Variants in ASTE1 observed in about 807,000 individuals in gnomAD.
The protein encoded by ASTE1 is asteroid structure-specific endonuclease 1, also known as single-strand DNA endonuclease ASTE1.
ASTE1 carries 49 observed loss-of-function variants against 45.8 expected under a neutral mutation model. That is an observed-to-expected ratio of 1.07 (90% CI 0.85 to 1.36). The LOEUF (loss-of-function observed/expected upper bound fraction) is 1.36. ASTE1 is among the 40% of genes most tolerant of loss of function. ASTE1 has a pLI of 0.00. For synonymous variants in ASTE1, 296 were observed against 303.9 expected, an observed-to-expected ratio of 0.97 and a Z score of 0.27; for missense variants, 709 against 804.0, an observed-to-expected ratio of 0.88 and a Z score of 1.43.
chr3:131,018,283 G>A (rs1170464013), intron 4 of ASTE1, among the ~76,000 whole-genome samples: 4 of 152,200 alleles, frequency 2.6e-5, no homozygotes, highest in Admixed American at 6.5e-5. Context: ...ACATCTCACT[G>A]CTGTATACTT....
chr3:131,015,304 C>T (rs1488903715), intron 5 of ASTE1: 1 of 680,920 alleles, frequency 1.5e-6, no homozygotes, highest in South Asian at 1.6e-5. Flanking sequence ...ACAGAGTTTA[C>T]ATCTGAGTGG....
intron 3 of ASTE1, among the ~76,000 whole-genome samples, chr3:131,022,308 A>T (rs990885600): frequency 2.0e-5 from 3 of 152,124 alleles, no homozygotes; most frequent in Non-Finnish European, 4.4e-5. Flanking sequence ...TTCATATGTC[A>T]TAAAAGTCAT....
rs201982361 is a variant in ASTE1, at chr3:131,024,463, T to C, written c.844A>G (p.Lys282Glu). 3.7e-6 allele frequency: 6 copies of C among 1,614,200 alleles called. No homozygotes were observed. The highest frequency in any genetic ancestry group is 1.7e-6 in the Non-Finnish European group (2 of 1,180,020). ...TCCTTAACATTTTCTCGATCCTTTT[T>C]TGGGAGGTATTTCAGAACATTATCT... ...ALDNVLKYLP[K>E]KDRENVKELL... Residue 282 changes from lysine (K) to glutamate (E), a missense_variant, in exon 3 of 6, where the codon AAA (lysine) becomes GAA (glutamate). Coordinates refer to ENST00000264992, the MANE Select transcript of ASTE1 (RefSeq NM_014065.4).
Position 131,025,051 on chromosome 3 carries a change from C to G in ASTE1, c.256G>C (p.Asp86His). 1.9e-6 allele frequency: 3 copies of G among 1,605,680 alleles called. No individual in the cohort carries two copies. Among genetic ancestry groups the G allele is most frequent in the Non-Finnish European group, 2.6e-6 (3 of 1,175,516 alleles). The part of the protein sequence containing the change: ...VVLDGGCDIS[D>H]KKLTTLKDRA... Reference sequence around the variant, plus strand: ...TCCTTTAAAGTTGTAAGCTTTTTATCTGAAATGTCACATCCTCCATCTAAT... The same window carrying G: ...TCCTTTAAAGTTGTAAGCTTTTTATGTGAAATGTCACATCCTCCATCTAAT... The change falls in exon 3 of 6, where the codon GAT (aspartate) becomes CAT (histidine). Residue 86 changes from aspartate to histidine, a missense_variant. By Grantham distance (81) the Asp-to-His change is moderately conservative (BLOSUM62 -1). Transcript: ENST00000264992.
At chr3:131,017,017 A>G in intron 4 of ASTE1, 1 of 1,289,438 alleles carries the variant, frequency 7.8e-7, no homozygotes, top group Non-Finnish European at 1.0e-6. Flanking sequence ...GGAGCAAGAC[A>G]CTGAGCCTGC....
rs1476712120 is a variant in ASTE1 at position 131,024,206 on chromosome 3, T to G, written c.1101A>C (p.Arg367Ser). 6 of 1,614,214 alleles carry G rather than the reference T, an allele frequency of 3.7e-6. No homozygotes were observed. The South Asian group carries it at 6.6e-5, about 18-fold the overall frequency. The change falls in exon 3 of 6, where the codon AGA (arginine) becomes AGC (serine). Residue 367 changes from arginine (R) to serine (S), a missense_variant. Coordinates refer to ENST00000264992, the MANE Select transcript of ASTE1 (RefSeq NM_014065.4). ...VENMQQPNAHRISQPIRQIIY... is the reference protein window; with the variant it reads ...VENMQQPNAHSISQPIRQIIY... ...TGATTTGCCTGATGGGCTGAGATAT[T>G]CTGTGGGCATTTGGTTGCTGCATGT...
chr3:131,022,491 T>C (rs2063756044), intron 3 of ASTE1, among the ~76,000 whole-genome samples: 1 of 151,858 alleles, frequency 6.6e-6, no homozygotes, highest in Non-Finnish European at 1.5e-5. Flanking sequence ...CAAAAAATTT[T>C]TTTTTTTTTT....
In ASTE1 at chr3:131,014,393, C is replaced by G; in HGVS notation, c.1710-6G>C. 6.4e-7 allele frequency: 1 copy of G among 1,553,294 alleles called. No individual in the cohort carries two copies. Among genetic ancestry groups the G allele is most frequent in the Non-Finnish European group, 8.7e-7 (1 of 1,154,828 alleles). On this transcript the variant is annotated splice_region_variant and splice_polypyrimidine_tract_variant and intron_variant, in intron 5 of 5. Transcript: ENST00000264992. ...CCAGGCTTCCACTGTACAGTCTGTTCAAAGCAAGAAAAAAGTATGTTGTTA... is the reference window on the plus strand; with the variant it reads ...CCAGGCTTCCACTGTACAGTCTGTTGAAAGCAAGAAAAAAGTATGTTGTTA...
intron 3 of ASTE1, among the ~76,000 whole-genome samples, chr3:131,021,063 T>G (rs1260146753): frequency 6.6e-6 from 1 of 152,192 alleles, no homozygotes; most frequent in Non-Finnish European, 1.5e-5. Flanking sequence ...GTAGGCAGTT[T>G]CCTAAGCAGT....
At chr3:131,016,487 G>A in intron 4 of ASTE1, 148 bp from the exon 5 acceptor site, 1 of 876,810 alleles carries the variant, frequency 1.1e-6, no homozygotes, top group East Asian at 2.7e-5. Flanking sequence ...TAAATGCCTT[G>A]CTGTATAAAT....
chr3:131,016,154 C>G lies in ASTE1; in HGVS notation c.1699G>C (p.Asp567His). 6.2e-7 allele frequency: 1 copy of G among 1,613,660 alleles called. No homozygotes were observed. Among genetic ancestry groups the G allele is most frequent in the African/African-American group, 1.3e-5 (1 of 74,878 alleles). The change falls in exon 5 of 6, where the codon GAC (aspartate) becomes CAC (histidine). Residue 567 changes from aspartate to histidine, a missense_variant. Physicochemically the swap from Asp to His is moderately conservative, Grantham distance 81 (BLOSUM62 -1). Transcript: ENST00000264992. The part of the protein sequence containing the change: ...QLLSTPLPEP[D>H]LTRLYSGSLV... ...TCCCATGGTGCTTACCGAGTTAGGT[C>G]TGGCTCTGGGAGAGGAGTGGACAGC...
intron 4 of ASTE1, 76 bp from the exon 5 acceptor site, chr3:131,016,415 C>T: frequency 1.4e-6 from 2 of 1,467,214 alleles, no homozygotes; most frequent in Non-Finnish European, 1.9e-6. Flanking sequence ...ACATATACTA[C>T]AAATTCTATA....
Position 131,014,261 on chromosome 3 carries a change from C to T in ASTE1, c.1836G>A (p.Arg612=). 1 of 1,613,806 alleles carries T rather than the reference C, an allele frequency of 6.2e-7. No individual in the cohort carries two copies. The highest frequency in any genetic ancestry group is 1.1e-5 in the South Asian group (1 of 91,066). Residue 612 remains arginine (R), a synonymous_variant, in exon 6 of 6, where the codon AGG becomes AGA. Coordinates refer to ENST00000264992, the MANE Select transcript of ASTE1 (RefSeq NM_014065.4). The part of the protein sequence containing the change: ...QLYEYLFNAT[R]SYAPAEIFLP... ...GGAATATTTCAGCGGGGGCATATGA[C>T]CTTGTGGCATTGAATAGATATTCAT...
chr3:131,014,934 C>CTTTTTACAT (rs1254895363), intron 5 of ASTE1, among the ~76,000 whole-genome samples: 4 of 152,194 alleles, frequency 2.6e-5, no homozygotes, highest in Non-Finnish European at 4.4e-5. Flanking sequence ...CTTGGTTATG[C>CTTTTTACAT]TAAGATTCAA....
intron 3 of ASTE1, among the ~76,000 whole-genome samples, chr3:131,019,356 G>C (rs561053855): frequency 6.6e-6 from 1 of 152,220 alleles, no homozygotes; most frequent in African/African-American, 2.4e-5. Context: ...TTGTAGATTA[G>C]AGGTATATTC....
chr3:131,024,943 C>A lies in ASTE1; in HGVS notation c.364G>T (p.Val122Leu), dbSNP rs780462269. 4 of 1,613,120 alleles carry A rather than the reference C, an allele frequency of 2.5e-6. No individual in the cohort carries two copies. In the Admixed American group the frequency reaches 6.7e-5, roughly 27 times the overall value. The change falls in exon 3 of 6, where the codon GTA becomes TTA. Residue 122 changes from valine to leucine, a missense_variant. Val to Leu is a conservative substitution (Grantham distance 32). Transcript: ENST00000264992. Reference protein sequence around the residue: ...GYVCPLLIREVFIQVLIKLRV... With the variant: ...GYVCPLLIRELFIQVLIKLRV... ...AGCTTGATCAAAACCTGTATGAATA[C>A]TTCCCGGATGAGTAAGGGACATACG...
At position 131,018,736 on chromosome 3, in the gene ASTE1, A is replaced by G; in HGVS notation, c.1303-20T>C. On this transcript the variant is annotated intron_variant, in intron 3 of 5. Transcript: ENST00000264992. The stretch of plus-strand genomic sequence containing the variant: ...GGAGAGCTGAAAATACACACCAAGT[A>G]TCCTGCAAGTTACTTTGGGAAATGT... The G allele has an allele frequency of 6.2e-7, 1 of 1,609,312 alleles. No homozygotes were observed. Among genetic ancestry groups the G allele is most frequent in the Non-Finnish European group, 8.5e-7 (1 of 1,176,510 alleles).
Position 131,018,643 on chromosome 3 carries a change from G to C in ASTE1, c.1376C>G (p.Pro459Arg). ...KVKQTILEPI[P>R]TSLKLPIAVS... ...AGCAATGGGCAACTTCAGTGAAGTA[G>C]GGATTGGCTCCAGAATGGTCTGTTT... Residue 459 changes from proline to arginine, a missense_variant, in exon 4 of 6, where the codon CCT becomes CGT. Pro to Arg is a moderately radical substitution (Grantham distance 103). Coordinates refer to ENST00000264992, the MANE Select transcript of ASTE1 (RefSeq NM_014065.4). The C allele has an allele frequency of 6.2e-7, 1 of 1,614,120 alleles. No homozygotes were observed. The highest frequency in any genetic ancestry group is 8.5e-7 in the Non-Finnish European group (1 of 1,180,028).
chr3:131,025,551 C>A lies in ASTE1; in HGVS notation c.-103G>T. The A allele has an allele frequency of 1.8e-6, 1 of 565,890 alleles. No individual in the cohort carries two copies. Among genetic ancestry groups the A allele is most frequent in the South Asian group, 3.4e-5 (1 of 29,038 alleles). The allele number at this position is 565,890 out of a possible 1,614,324, so 35.1% of individuals were successfully genotyped here. On this transcript the variant is annotated 5_prime_UTR_variant, in exon 2 of 6. The change abolishes an upstream ATG in the 5' untranslated region. Coordinates refer to ENST00000264992, the MANE Select transcript of ASTE1 (RefSeq NM_014065.4). Reference sequence around the variant, plus strand: ...ATACAAGGCACAAATTCAATGGTTTCATGGGTTGTAATCTTTGGATGGTGA... The same window carrying A: ...ATACAAGGCACAAATTCAATGGTTTAATGGGTTGTAATCTTTGGATGGTGA...
Sources: allele counts gnomAD v4.1 joint callset (sites outside exome capture counted in the v4.1 genomes callset), GRCh38; gene constraint gnomAD v4.1.1; transcripts MANE v1.5; gene names NCBI Gene and HGNC (gene_info 2026-07-23, HGNC 2026-07-21).